Variants in GSE1 observed in about 807,000 individuals in gnomAD.
GSE1 encodes the protein genetic suppressor element 1.
Under a neutral mutation model 112.6 loss-of-function variants are expected in GSE1, and 32 were observed. The observed-to-expected ratio is 0.28, with a 90% CI of 0.21 to 0.38. GSE1 has a LOEUF of 0.38. GSE1 is among the 10% of genes least tolerant of loss of function. The pLI is 1.00. For missense variants in GSE1, 2,348 were observed against 1,699.2 expected, an observed-to-expected ratio of 1.38 and a Z score of -6.71; for synonymous variants, 1,115 against 735.6, an observed-to-expected ratio of 1.52 and a Z score of -8.35.
At chr16:85,413,799 C>T (rs1018871320) in intron 2 of GSE1, among the ~76,000 whole-genome samples, 1 of 152,134 alleles carries the variant, frequency 6.6e-6, no homozygotes, top group Non-Finnish European at 1.5e-5. Flanking sequence ...GAATTGTAAT[C>T]CCCAGCTGTT....
Position 85,662,964 on chromosome 16 carries a change from A to C in GSE1, c.2261-17A>C. 1 of 1,519,984 alleles carries C rather than the reference A, an allele frequency of 6.6e-7. No individual in the cohort carries two copies. 94.2% of individuals were successfully genotyped at this position (1,519,984 alleles called of 1,614,324 possible). ...GAAGGCTCTTTGTCTGGCTGAATAC[A>C]ACCATTTCTCCATCAGGGTACTACT... is the stretch of plus-strand genomic sequence containing the variant. On this transcript the variant is annotated splice_polypyrimidine_tract_variant and intron_variant, in intron 9 of 15. Coordinates refer to ENST00000253458, the MANE Select transcript of GSE1 (RefSeq NM_014615.5).
intron 1 of GSE1, among the ~76,000 whole-genome samples, chr16:85,193,422 G>A (rs961479068): frequency 9.2e-5 from 14 of 152,164 alleles, no homozygotes; most frequent in African/African-American, 3.4e-4. Context: ...GCTTACTGAA[G>A]CTTTGAACTC....
At chr16:85,330,072 G>A (rs896474798) in intron 1 of GSE1, among the ~76,000 whole-genome samples, 1 of 152,184 alleles carries the variant, frequency 6.6e-6, no homozygotes, top group South Asian at 2.1e-4. Context: ...TCTTCCTGGT[G>A]GCGGCCAGGA....
chr16:85,669,286 T>C (rs2053135443), intron 14 of GSE1, among the ~76,000 whole-genome samples: 1 of 152,272 alleles, frequency 6.6e-6, no homozygotes, highest in Admixed American at 6.5e-5. Flanking sequence ...GTAATTGATT[T>C]AACATGTCCT....
At chr16:85,270,364 CCTT>C (rs1567652446) in intron 1 of GSE1, among the ~76,000 whole-genome samples, 1 of 148,798 alleles carries the variant, frequency 6.7e-6, no homozygotes, top group African/African-American at 2.4e-5. Context: ...TTCTTGGTGT[CCTT>C]CTTCTCCTGG....
At chr16:85,439,689 C>T (rs1022552780) in intron 2 of GSE1, among the ~76,000 whole-genome samples, 1 of 152,150 alleles carries the variant, frequency 6.6e-6, no homozygotes, top group African/African-American at 2.4e-5. Context: ...TGCATGTGCA[C>T]ACACATACAT....
intron 1 of GSE1, among the ~76,000 whole-genome samples, chr16:85,268,272 A>G (rs1460420077): frequency 6.6e-6 from 1 of 151,984 alleles, no homozygotes; most frequent in Non-Finnish European, 1.5e-5. Context: ...CAGAAGCATA[A>G]TTTCACACAC....
rs557476015 is a variant in GSE1 at position 85,391,561 on chromosome 16, C to T, written c.2464+33918C>T. 3.9e-4 allele frequency among the ~76,000 whole-genome samples: 60 copies of T among 152,332 alleles called. No individual in the cohort carries two copies. In the South Asian group the frequency reaches 0.01, roughly 26 times the overall value. On this transcript the variant is annotated intron_variant, in intron 2 of 2. Coordinates refer to the GSE1 transcript ENST00000637419. ...TGCGGCAGCATCACTCCAGTGTCTG[C>T]GGTCATCACGTGGCCGCCTTTCCTC...
At chr16:85,370,899 C>T (rs888764790) in intron 2 of GSE1, among the ~76,000 whole-genome samples, 2 of 152,244 alleles carry the variant, frequency 1.3e-5, no homozygotes, top group African/African-American at 4.8e-5. Context: ...GCTCCCACTA[C>T]CCTCCGAGCC....
chr16:85,342,560 A>G (rs2046647455), intron 1 of GSE1, among the ~76,000 whole-genome samples: 1 of 152,088 alleles, frequency 6.6e-6, no homozygotes, highest in Non-Finnish European at 1.5e-5. Flanking sequence ...TCCTTTTGGG[A>G]GACCTGCTGG....
chr16:85,488,422 C>T (rs960397583), intron 2 of GSE1, among the ~76,000 whole-genome samples: 24 of 152,314 alleles, frequency 1.6e-4, no homozygotes, highest in African/African-American at 5.1e-4. Flanking sequence ...CAGCACGTTA[C>T]AGCCTACGGG....
At chr16:85,632,483 G>A (rs13336767) in intron 1 of GSE1, among the ~76,000 whole-genome samples, 73,129 of 152,068 alleles carry the variant, frequency 0.48, 19,318 homozygotes, top group East Asian at 0.77. Context: ...AGGACTCACG[G>A]CCTTTGGTGG....
intron 2 of GSE1, among the ~76,000 whole-genome samples, chr16:85,378,363 C>A (rs2047469810): frequency 6.6e-6 from 1 of 152,176 alleles, no homozygotes. Flanking sequence ...AGTCTCCTCT[C>A]TGTGCCAGGA....
intron 2 of GSE1, among the ~76,000 whole-genome samples, chr16:85,461,413 C>T (rs1024722092): frequency 1.3e-5 from 2 of 152,176 alleles, no homozygotes; most frequent in Non-Finnish European, 2.9e-5. Flanking sequence ...ACCTTGGCTG[C>T]GCACTGGAAG....
intron 2 of GSE1, among the ~76,000 whole-genome samples, chr16:85,460,222 C>T (rs1434662541): frequency 6.6e-6 from 1 of 152,184 alleles, no homozygotes; most frequent in African/African-American, 2.4e-5. Context: ...GGCCTTGAGT[C>T]CCTGATCCTT....
intron 1 of GSE1, among the ~76,000 whole-genome samples, chr16:85,230,138 C>G (rs777893279): frequency 5.9e-5 from 9 of 152,360 alleles, no homozygotes; most frequent in Non-Finnish European, 1.2e-4. Context: ...GTGGTGCTGT[C>G]TGCATTTTAC....
chr16:85,600,564 C>G (rs374221549), intron 1 of GSE1, among the ~76,000 whole-genome samples: 1 of 148,494 alleles, frequency 6.7e-6, no homozygotes, highest in Admixed American at 6.7e-5. Flanking sequence ...TGTTAAAAAA[C>G]ACACACACAC....
chr16:85,349,132 C>T (rs2046802554), intron 1 of GSE1, among the ~76,000 whole-genome samples: 1 of 152,202 alleles, frequency 6.6e-6, no homozygotes, highest in Non-Finnish European at 1.5e-5. Flanking sequence ...AATAACTTTC[C>T]AATTACACCC....
At chr16:85,560,267 C>CT (rs1323659489) in intron 1 of GSE1, among the ~76,000 whole-genome samples, 1 of 151,822 alleles carries the variant, frequency 6.6e-6, no homozygotes, top group Non-Finnish European at 1.5e-5. Flanking sequence ...TCCCAAGTAG[C>CT]TGGGACTACG....
Sources: allele counts gnomAD v4.1 joint callset (sites outside exome capture counted in the v4.1 genomes callset), GRCh38; gene constraint gnomAD v4.1.1; transcripts MANE v1.5; gene names NCBI Gene and HGNC (gene_info 2026-07-23, HGNC 2026-07-21).